EPB41L5: variants seen among roughly 807,000 people sequenced by gnomAD.
The protein encoded by EPB41L5 is erythrocyte membrane protein band 4.1 like 5.
Under a neutral mutation model 106.6 loss-of-function variants are expected in EPB41L5, and 55 were observed. The ratio of observed to expected loss-of-function variants is 0.52; its 90% CI spans 0.42 to 0.65. The LOEUF is 0.65. EPB41L5 is among the 30% of genes least tolerant of loss of function. The pLI, the probability that EPB41L5 is intolerant of heterozygous loss-of-function variation, is 0.00. For synonymous variants in EPB41L5, 297 were observed against 306.7 expected, an observed-to-expected ratio of 0.97 and a Z score of 0.33; for missense variants, 871 against 882.1, an observed-to-expected ratio of 0.99 and a Z score of 0.16.
chr2:120,145,360 GGAATAAATTAGTGATT>G (rs1433566432), intron 19 of EPB41L5, among the ~76,000 whole-genome samples: 1 of 152,116 alleles, frequency 6.6e-6, no homozygotes, highest in Non-Finnish European at 1.5e-5. Flanking sequence ...TGAATAAAAA[GGAATAAATTAGTGATT>G]TGTACAACAA....
Position 120,106,610 on chromosome 2 carries a change from C to A in EPB41L5, c.1337+5796C>A, listed in dbSNP as rs943160282. ...TCAGTACAGAACTTAAGTATTATGT[C>A]ATTTAATTTACAGTGCTTTGGCTAA... On this transcript the variant is annotated intron_variant, in intron 16 of 24. Transcript: ENST00000263713. 5.1e-6 allele frequency: 5 copies of A among 984,592 alleles called. No individual in the cohort carries two copies. In the African/African-American group the frequency reaches 8.7e-5, roughly 17 times the overall value. The allele number at this position is 984,592 out of a possible 1,614,324, so 61.0% of individuals were successfully genotyped here. A position where few individuals can be genotyped will look rare whatever the true frequency, so the allele number is the denominator to read the frequency against.
chr2:120,069,128 C>CAAA (rs539813602), intron 3 of EPB41L5, among the ~76,000 whole-genome samples: 20 of 79,546 alleles, frequency 2.5e-4, no homozygotes, highest in South Asian at 4.9e-4. Context: ...AACTCTGTCT[C>CAAA]AAAAAAAAAA....
At chr2:120,064,480 T>C (rs1044683288) in intron 3 of EPB41L5, among the ~76,000 whole-genome samples, 3 of 152,174 alleles carry the variant, frequency 2.0e-5, no homozygotes, top group African/African-American at 7.2e-5. Flanking sequence ...TATATGTTAG[T>C]GTTTTATGGA....
chr2:120,074,255 ATAGC>A (rs1682076579), intron 5 of EPB41L5, 77 bp downstream of exon 5: 7 of 1,085,982 alleles, frequency 6.4e-6, no homozygotes, highest in Non-Finnish European at 9.4e-6. Context: ...TTTCCAATTT[ATAGC>A]CAGCTAATAA....
intron 3 of EPB41L5, among the ~76,000 whole-genome samples, chr2:120,056,567 G>A (rs1172376082): frequency 1.3e-5 from 2 of 152,038 alleles, no homozygotes; most frequent in Non-Finnish European, 2.9e-5. Context: ...CCAAAGTGTT[G>A]GGATTACAGG....
rs75063239 is a variant in EPB41L5 at position 120,038,232 on chromosome 2, A to G, written c.181-3774A>G. Reference sequence around the variant, plus strand: ...GGCAAAGAACTTACACATTTCTCCAAAGAACATATATAAATGGCTAATAAG... The same window carrying G: ...GGCAAAGAACTTACACATTTCTCCAGAGAACATATATAAATGGCTAATAAG... On this transcript the variant is annotated intron_variant, in intron 2 of 24. Transcript: ENST00000263713. 7.7e-3 allele frequency among the ~76,000 whole-genome samples: 1,168 copies of G among 152,354 alleles called. 12 individuals carry two copies. Among genetic ancestry groups the G allele is most frequent in the African/African-American group, 0.027 (1,108 of 41,590 alleles).
intron 16 of EPB41L5, among the ~76,000 whole-genome samples, chr2:120,107,892 T>A (rs2105419163): frequency 6.6e-6 from 1 of 152,328 alleles, no homozygotes; most frequent in South Asian, 2.1e-4. Flanking sequence ...TGACAATTGC[T>A]AATGTAGTAA....
chr2:120,057,258 G>T (rs922909996), intron 3 of EPB41L5, among the ~76,000 whole-genome samples: 1 of 152,220 alleles, frequency 6.6e-6, no homozygotes, highest in Non-Finnish European at 1.5e-5. Flanking sequence ...GGGATAGTAG[G>T]CATAAGCTGC....
rs776801966 is a variant in EPB41L5 at position 120,128,011 on chromosome 2, C to T, written c.1501+160C>T. 7.6e-6 allele frequency: 4 copies of T among 522,882 alleles called. No individual in the cohort carries two copies. The East Asian group carries it at 1.3e-4, about 17-fold the overall frequency. 32.4% of individuals were successfully genotyped at this position (522,882 alleles called of 1,614,324 possible). A position where few individuals can be genotyped will look rare whatever the true frequency, so the allele number is the denominator to read the frequency against. On this transcript the variant is annotated intron_variant, in intron 17 of 24. Transcript: ENST00000263713. The stretch of plus-strand genomic sequence containing the variant: ...CTTGCCTTTTTGACTTAAGGTAACA[C>T]TGAAATATTTAAGATAACATAATTG...
intron 3 of EPB41L5, among the ~76,000 whole-genome samples, chr2:120,056,808 C>T (rs1050551591): frequency 2.0e-5 from 3 of 151,786 alleles, no homozygotes; most frequent in African/African-American, 7.3e-5. Flanking sequence ...TAGAATTTGT[C>T]ATTGAAACCA....
chr2:120,070,736 C>T (rs1026292516), intron 3 of EPB41L5, among the ~76,000 whole-genome samples: 1 of 152,156 alleles, frequency 6.6e-6, no homozygotes, highest in African/African-American at 2.4e-5. Flanking sequence ...ATGACAAAAA[C>T]CACATGATTA....
Position 120,163,980 on chromosome 2 carries a change from CTTTTTT to C in EPB41L5, c.1888-841_1888-836del, listed in dbSNP as rs70949387. ...ACTTTTTTTTATTTTTTTGTATTTACTTTTTTTTTTTTTTTTTTTTGAGATGGAGTC... is the reference window on the plus strand; with the variant it reads ...ACTTTTTTTTATTTTTTTGTATTTACTTTTTTTTTTTTTTGAGATGGAGTC... On this transcript the variant is annotated intron_variant, in intron 21 of 24. Transcript: ENST00000263713. Among the ~76,000 whole-genome samples the C allele has an allele frequency of 1.2e-4, 8 of 68,140 alleles. 1 individual carries two copies. The highest frequency in any genetic ancestry group is 5.6e-4 in the South Asian group (1 of 1,794). 44.7% of individuals were successfully genotyped at this position (68,140 alleles called of 152,430 possible).
chr2:120,169,827 C>T (rs776192557), intron 24 of EPB41L5, among the ~76,000 whole-genome samples: 3 of 152,238 alleles, frequency 2.0e-5, no homozygotes, highest in South Asian at 2.1e-4. Context: ...TTGATTAGTC[C>T]GTGGGGAATG....
intron 4 of EPB41L5, 148 bp downstream of exon 4, chr2:120,073,368 GC>G: frequency 1.4e-6 from 1 of 695,934 alleles, no homozygotes; most frequent in East Asian, 2.8e-5. Context: ...GATACACTGA[GC>G]TACTCCCCAA....
At chr2:120,137,237 A>G (rs1473723394) in intron 18 of EPB41L5, among the ~76,000 whole-genome samples, 1 of 152,126 alleles carries the variant, frequency 6.6e-6, no homozygotes, top group Non-Finnish European at 1.5e-5. Flanking sequence ...GAAAGTTTAT[A>G]GCAATAAGCA....
At chr2:120,156,823 T>TC (rs1238840186) in intron 20 of EPB41L5, among the ~76,000 whole-genome samples, 1 of 152,104 alleles carries the variant, frequency 6.6e-6, no homozygotes, top group African/African-American at 2.4e-5. Flanking sequence ...AGACTTATAC[T>TC]CCCACACAGT....
rs1440197531 is a variant in EPB41L5, at chr2:120,169,523, G to A, written c.2135+1516G>A. Among the ~76,000 whole-genome samples, 2 of 152,132 alleles carry A rather than the reference G, an allele frequency of 1.3e-5. 1 individual carries two copies. Among genetic ancestry groups the A allele is most frequent in the Middle Eastern group, 6.3e-3 (2 of 316 alleles). ...CAAGAAATTTTGTTCATCAAAAAATGTAATTTCAAGATATTATGGAAGGGG... is the reference window on the plus strand; with the variant it reads ...CAAGAAATTTTGTTCATCAAAAAATATAATTTCAAGATATTATGGAAGGGG... On this transcript the variant is annotated intron_variant, in intron 24 of 24. Coordinates refer to ENST00000263713, the MANE Select transcript of EPB41L5 (RefSeq NM_020909.4).
intron 3 of EPB41L5, among the ~76,000 whole-genome samples, chr2:120,056,366 C>A (rs1247885718): frequency 6.7e-6 from 1 of 150,276 alleles, no homozygotes; most frequent in African/African-American, 2.5e-5. Flanking sequence ...GTGGCGTGAT[C>A]TCAGCTCACT....
In EPB41L5 at chr2:120,021,710, G is replaced by A. The variant is rs187005667; in HGVS notation, c.180+2446G>A. On this transcript the variant is annotated intron_variant, in intron 2 of 24. Coordinates refer to ENST00000263713, the MANE Select transcript of EPB41L5 (RefSeq NM_020909.4). ...TACTTATTAACCTAACTCTAGGTAC[G>A]TGCATGGATATAAAGTGGTCATTGG... 3.9e-3 allele frequency among the ~76,000 whole-genome samples: 587 copies of A among 152,314 alleles called. 1 individual carries two copies. Among genetic ancestry groups the A allele is most frequent in the South Asian group, 0.026 (124 of 4,826 alleles).
Sources: gnomAD v4.1 joint callset for allele counts (sites outside exome capture counted in the v4.1 genomes callset) on GRCh38, gnomAD v4.1.1 for gene constraint, MANE v1.5 for transcripts, NCBI Gene and HGNC (gene_info 2026-07-23, HGNC 2026-07-21) for gene names.